The following CSNK2A1 variants were observed in gnomAD, a reference collection of about 807,000 sequenced individuals.
CSNK2A1 encodes casein kinase II subunit alpha.
CSNK2A1 carries 10 observed loss-of-function variants against 62.9 expected under a neutral mutation model. The ratio of observed to expected loss-of-function variants is 0.16; its 90% confidence interval spans 0.10 to 0.27. CSNK2A1 has a LOEUF of 0.27. CSNK2A1 is among the 10% of genes least tolerant of loss of function. CSNK2A1 has a pLI of 1.00. For missense variants in CSNK2A1, 160 were observed against 492.0 expected, an observed-to-expected ratio of 0.33 and a Z score of 6.38; for synonymous variants, 124 against 167.8, an observed-to-expected ratio of 0.74 and a Z score of 2.02.
Position 490,117 on chromosome 20 carries a change from C to T in CSNK2A1, c.622-236G>A, listed in dbSNP as rs191750617. ...CGCAATCTTGGCTCACCACAACCTC[C>T]GCCTCCCGGGTTCAAGCAATTCTCC... is the stretch of plus-strand genomic sequence containing the variant. On this transcript the variant is annotated intron_variant, in intron 9 of 13. Coordinates refer to ENST00000217244, the MANE Select transcript of CSNK2A1 (RefSeq NM_177559.3). Among the ~76,000 whole-genome samples the T allele has an allele frequency of 1.7e-3, 254 of 150,920 alleles. 1 individual carries two copies. Among genetic ancestry groups the T allele is most frequent in the African/African-American group, 5.9e-3 (243 of 41,064 alleles).
chr20:522,048 C>G (rs2018960225), intron 2 of CSNK2A1, among the ~76,000 whole-genome samples: 1 of 152,244 alleles, frequency 6.6e-6, no homozygotes, highest in Non-Finnish European at 1.5e-5. Context: ...CAGCGGGAGT[C>G]ACTCGCATTA....
At position 499,420 on chromosome 20, in the gene CSNK2A1, T is replaced by A; in HGVS notation, c.316-115A>T. 2.3e-6 allele frequency: 2 copies of A among 853,862 alleles called. No homozygotes were observed. Among genetic ancestry groups the A allele is most frequent in the Non-Finnish European group, 3.6e-6 (2 of 557,998 alleles). 52.9% of individuals were successfully genotyped at this position (853,862 alleles called of 1,614,324 possible). ...AATTTGGCAGTCCTCGCCTCAGTAG[T>A]AAGAAACCCTCTATTGCTACAAGCC... On this transcript the variant is annotated intron_variant, in intron 5 of 13. Transcript: ENST00000217244. The surrounding 1 kb of genome is among the most constrained non-coding windows in gnomAD (Gnocchi z 4.2).
chr20:523,520 G>A (rs140267433), intron 2 of CSNK2A1, among the ~76,000 whole-genome samples: 153 of 152,344 alleles, frequency 1.0e-3, no homozygotes, highest in Middle Eastern at 6.8e-3. Flanking sequence ...CTCAGAGGCA[G>A]TATGCTGAAT....
At chr20:519,624 T>A (rs1479868769) in intron 2 of CSNK2A1, among the ~76,000 whole-genome samples, 2 of 152,172 alleles carry the variant, frequency 1.3e-5, no homozygotes, top group Non-Finnish European at 2.9e-5. Flanking sequence ...TTAGAACAGC[T>A]GATTTTTCAA....
At chr20:497,656 T>C (rs1324905629) in intron 7 of CSNK2A1, 65 bp downstream of exon 7, 5 of 1,351,764 alleles carry the variant, frequency 3.7e-6, no homozygotes, top group African/African-American at 1.4e-5. Context: ...TTTTCTACCA[T>C]CAATTGACTA....
At chr20:529,770 T>C (rs1263996627) in intron 1 of CSNK2A1, among the ~76,000 whole-genome samples, 1 of 152,232 alleles carries the variant, frequency 6.6e-6, no homozygotes, top group Non-Finnish European at 1.5e-5. Flanking sequence ...GACCGCAGTA[T>C]GTGATAAATG....
At chr20:517,725 G>A (rs953135314) in intron 2 of CSNK2A1, among the ~76,000 whole-genome samples, 1 of 152,106 alleles carries the variant, frequency 6.6e-6, no homozygotes, top group Non-Finnish European at 1.5e-5. Context: ...CTATAATTTT[G>A]CACCCTAAAA....
intron 3 of CSNK2A1, 120 bp from the exon 4 acceptor site, chr20:505,349 A>G (rs1014514995): frequency 1.2e-5 from 5 of 402,376 alleles, no homozygotes; most frequent in Admixed American, 4.3e-5. Flanking sequence ...ATTCCCAAAT[A>G]GGTTTTTTTT....
At chr20:489,582 C>G in intron 10 of CSNK2A1, 198 bp downstream of exon 10, 1 of 445,038 alleles carries the variant, frequency 2.2e-6, no homozygotes, top group Non-Finnish European at 4.0e-6. Flanking sequence ...GTATTCTTCA[C>G]AATAAAATAA....
chr20:492,056 C>T (rs2018246646), intron 9 of CSNK2A1, among the ~76,000 whole-genome samples, 198 bp downstream of exon 9: 1 of 152,104 alleles, frequency 6.6e-6, no homozygotes, highest in African/African-American at 2.4e-5. Context: ...ATTCTACCGA[C>T]ATTATGACAA....
intron 2 of CSNK2A1, among the ~76,000 whole-genome samples, chr20:511,773 T>C (rs540710228): frequency 6.6e-6 from 1 of 152,208 alleles, no homozygotes; most frequent in African/African-American, 2.4e-5. Flanking sequence ...GACACTTGAG[T>C]TGCTTCCACA....
chr20:487,791 G>A, intron 11 of CSNK2A1: 2 of 607,672 alleles, frequency 3.3e-6, no homozygotes, highest in South Asian at 4.3e-5. Context: ...AGACATCTGA[G>A]TCCTCTCAAT....
At position 523,858 on chromosome 20, in the gene CSNK2A1, C is replaced by CAAA. The variant is rs11401840; in HGVS notation, c.-110+4072_-110+4074dup. ...TGGGCGACAGAGCAAGACTCCATCT[C>CAAA]AAAAAAAAAAAAAAAAAAAAAAACT... On this transcript the variant is annotated intron_variant, in intron 2 of 13. Coordinates refer to ENST00000217244, the MANE Select transcript of CSNK2A1 (RefSeq NM_177559.3). Among the ~76,000 whole-genome samples the CAAA allele has an allele frequency of 2.0e-3, 89 of 45,448 alleles. 3 individuals are homozygous for CAAA. The highest frequency in any genetic ancestry group is 5.4e-3 in the African/African-American group (59 of 10,882). The allele number at this position is 45,448 out of a possible 152,430, so 29.8% of individuals were successfully genotyped here.
rs767343481 is a variant in CSNK2A1, at chr20:488,660, T to C, written c.824+18A>G. On this transcript the variant is annotated intron_variant, in intron 11 of 13. Transcript: ENST00000217244. Reference sequence around the variant, plus strand: ...AGTGCTTAAGCCACAGATGCACATATTTTGTTTCATGACTTACCTGCCCAA... The same window carrying C: ...AGTGCTTAAGCCACAGATGCACATACTTTGTTTCATGACTTACCTGCCCAA... 6.2e-7 allele frequency: 1 copy of C among 1,611,108 alleles called. No individual in the cohort carries two copies. The highest frequency in any genetic ancestry group is 8.5e-7 in the Non-Finnish European group (1 of 1,178,000).
At chr20:538,338 A>C (rs900474625) in intron 1 of CSNK2A1, among the ~76,000 whole-genome samples, 15 of 152,188 alleles carry the variant, frequency 9.9e-5, no homozygotes, top group Admixed American at 9.2e-4. Context: ...TAGGGCTGAG[A>C]TATCTTAGTA....
At chr20:530,391 T>TG (rs1055837794) in intron 1 of CSNK2A1, among the ~76,000 whole-genome samples, 10 of 152,212 alleles carry the variant, frequency 6.6e-5, no homozygotes, top group African/African-American at 2.4e-4. Context: ...GACAGATATT[T>TG]GGACTGTCTC....
chr20:512,554 A>G (rs1414897241), intron 2 of CSNK2A1, among the ~76,000 whole-genome samples: 2 of 152,194 alleles, frequency 1.3e-5, no homozygotes, highest in Non-Finnish European at 2.9e-5. Flanking sequence ...AGGCTTTCAG[A>G]AGAATAGCAA....
intron 7 of CSNK2A1, chr20:496,018 G>A: frequency 2.0e-6 from 1 of 499,750 alleles, no homozygotes; most frequent in Non-Finnish European, 3.6e-6. Context: ...TTCTGACACA[G>A]TTGTTTCAAC....
chr20:496,227 AT>A (rs1178333369), intron 7 of CSNK2A1: 1 of 167,206 alleles, frequency 6.0e-6, no homozygotes, highest in African/African-American at 2.4e-5. Context: ...CACAGGCCAA[AT>A]TTGGCCTGAT....
Sources: gnomAD v4.1 joint callset for allele counts (sites outside exome capture counted in the v4.1 genomes callset) on GRCh38, gnomAD v4.1.1 for gene constraint, Gnocchi (gnomAD v3.1) non-coding constraint, MANE v1.5 for transcripts, NCBI Gene and HGNC (gene_info 2026-07-23, HGNC 2026-07-21) for gene names.